The following PRKCA variants were observed in gnomAD, a reference collection of about 807,000 sequenced individuals.
PRKCA encodes the protein protein kinase C alpha.
In PRKCA, 27 loss-of-function variants were observed where a neutral mutation model predicts 87.0. The ratio of observed to expected loss-of-function variants is 0.31; its 90% CI spans 0.23 to 0.43. The LOEUF (loss-of-function observed/expected upper bound fraction) is 0.43. Among genes scored for constraint, PRKCA ranks in the 20% least tolerant of loss-of-function variants. The pLI is 1.00. For missense variants in PRKCA, 518 were observed against 852.3 expected, an observed-to-expected ratio of 0.61 and a Z score of 4.88; for synonymous variants, 329 against 311.1, an observed-to-expected ratio of 1.06 and a Z score of -0.61.
In PRKCA at chr17:66,610,940, A is replaced by G. The variant is rs141978905; in HGVS notation, c.289-30415A>G. Among the ~76,000 whole-genome samples the G allele has an allele frequency of 5.6e-4, 85 of 152,314 alleles. 1 individual carries two copies. The highest frequency in any genetic ancestry group is 9.6e-4 in the Non-Finnish European group (65 of 68,024). Reference sequence around the variant, plus strand: ...TTTAAATACTAGAAACGAGAGTACAAGGAAGTTGGGCTTCAGAACAAAGAA... The same window carrying G: ...TTTAAATACTAGAAACGAGAGTACAGGGAAGTTGGGCTTCAGAACAAAGAA... On this transcript the variant is annotated intron_variant, in intron 3 of 16. Transcript: ENST00000413366.
chr17:66,438,310 G>A (rs73333354), intron 2 of PRKCA, among the ~76,000 whole-genome samples: 3,461 of 151,982 alleles, frequency 0.023, 135 homozygotes, highest in African/African-American at 0.078. Flanking sequence ...GGCGAATTCC[G>A]GCATTTCAGT....
At chr17:66,361,562 C>T (rs1052633017) in intron 2 of PRKCA, among the ~76,000 whole-genome samples, 4 of 152,094 alleles carry the variant, frequency 2.6e-5, no homozygotes, top group South Asian at 2.1e-4. Flanking sequence ...CCATCCGCCT[C>T]GGCCTCCCAA....
At position 66,732,687 on chromosome 17, in the gene PRKCA, G is replaced by C; in HGVS notation, c.919-1G>C. The C allele has an allele frequency of 6.2e-7, 1 of 1,613,894 alleles. No individual in the cohort carries two copies. Among genetic ancestry groups the C allele is most frequent in the Non-Finnish European group, 8.5e-7 (1 of 1,179,962 alleles). On this transcript the variant is annotated splice_acceptor_variant, in intron 8 of 16. Coordinates refer to ENST00000413366, the MANE Select transcript of PRKCA (RefSeq NM_002737.3). LOFTEE classifies it high-confidence loss of function. ...GTTTCCCATTTGTGCTTGTTATTTA[G>C]AAAGCCAAACTTGGCCCTGCTGGCA...
intron 3 of PRKCA, among the ~76,000 whole-genome samples, chr17:66,626,904 CAAAA>C (rs772071027): frequency 6.6e-6 from 1 of 152,134 alleles, no homozygotes; most frequent in Non-Finnish European, 1.5e-5. Flanking sequence ...TCTCTAGTCT[CAAAA>C]AGAGCATTCT....
At chr17:66,696,077 G>A (rs1053301098) in intron 8 of PRKCA, among the ~76,000 whole-genome samples, 4 of 152,248 alleles carry the variant, frequency 2.6e-5, no homozygotes, top group African/African-American at 9.6e-5. Flanking sequence ...TGTTGATGGA[G>A]CAGTGATGAA....
chr17:66,380,631 C>T (rs1909726364), intron 2 of PRKCA, among the ~76,000 whole-genome samples: 1 of 151,998 alleles, frequency 6.6e-6, no homozygotes, highest in South Asian at 2.1e-4. Flanking sequence ...ATGATTTTTG[C>T]CTGCAGTAAA....
chr17:66,797,186 C>T (rs1353955320), intron 16 of PRKCA, among the ~76,000 whole-genome samples: 3 of 152,196 alleles, frequency 2.0e-5, no homozygotes, highest in African/African-American at 7.2e-5. Flanking sequence ...TGCATTGCAT[C>T]TCAGTCTCCC....
intron 2 of PRKCA, among the ~76,000 whole-genome samples, chr17:66,480,949 G>A (rs1463946983): frequency 9.9e-5 from 15 of 152,048 alleles, no homozygotes; most frequent in Admixed American, 2.0e-4. Flanking sequence ...GACCTACTCC[G>A]TCTCCATAGT....
At chr17:66,533,430 C>T (rs1967639149) in intron 3 of PRKCA, among the ~76,000 whole-genome samples, 1 of 152,216 alleles carries the variant, frequency 6.6e-6, no homozygotes, top group Non-Finnish European at 1.5e-5. Flanking sequence ...TCCTGACCCC[C>T]CTGGTTTGCC....
At position 66,403,198 on chromosome 17, in the gene PRKCA, T is replaced by C. The variant is rs535413295; in HGVS notation, c.206-93003T>C. Among the ~76,000 whole-genome samples, 6 of 152,360 alleles carry C rather than the reference T, an allele frequency of 3.9e-5. No individual in the cohort carries two copies. In the South Asian group the frequency reaches 1.0e-3, roughly 26 times the overall value. ...TGAGAAATCTTATGCTGGGGACATA[T>C]TGAAATTGTTGCAATGTGGTTTAAT... On this transcript the variant is annotated intron_variant, in intron 2 of 16. Transcript: ENST00000413366.
In PRKCA at chr17:66,803,758, C is replaced by G; in HGVS notation, c.1855-115C>G. ...TGCAAGTCCTCCGAGATTCCTCCTC[C>G]TAACCAGCCCGGAGTTCCCCAGGGC... On this transcript the variant is annotated intron_variant, in intron 16 of 16. Coordinates refer to ENST00000413366, the MANE Select transcript of PRKCA (RefSeq NM_002737.3). This position sits in a 1 kb window ranked among gnomAD's most constrained non-coding sequence, Gnocchi z 4.4. 7.0e-7 allele frequency: 1 copy of G among 1,431,006 alleles called. No homozygotes were observed. The highest frequency in any genetic ancestry group is 9.4e-7 in the Non-Finnish European group (1 of 1,068,382). The allele number at this position is 1,431,006 out of a possible 1,614,324, so 88.6% of individuals were successfully genotyped here. A position where few individuals can be genotyped will look rare whatever the true frequency, so the allele number is the denominator to read the frequency against.
intron 8 of PRKCA, among the ~76,000 whole-genome samples, chr17:66,695,676 A>C (rs1972900310): frequency 6.6e-6 from 1 of 152,168 alleles, no homozygotes; most frequent in Admixed American, 6.5e-5. Flanking sequence ...TTTGCTGCAC[A>C]CCATTGCTCT....
At chr17:66,711,294 TTACAC>T (rs1475621432) in intron 8 of PRKCA, among the ~76,000 whole-genome samples, 4 of 152,356 alleles carry the variant, frequency 2.6e-5, no homozygotes, top group African/African-American at 9.6e-5. Flanking sequence ...TATGGTGTAT[TTACAC>T]TACATGAGTG....
At chr17:66,434,358 G>T (rs1213664233) in intron 2 of PRKCA, among the ~76,000 whole-genome samples, 1 of 152,020 alleles carries the variant, frequency 6.6e-6, no homozygotes, top group Non-Finnish European at 1.5e-5. Context: ...AAGACATCAT[G>T]AGCCTCACAG....
chr17:66,536,685 C>G (rs1967797386), intron 3 of PRKCA, among the ~76,000 whole-genome samples: 1 of 152,162 alleles, frequency 6.6e-6, no homozygotes, highest in Non-Finnish European at 1.5e-5. Flanking sequence ...GTGGTTATCA[C>G]TTTTATTACC....
At chr17:66,320,933 T>C (rs1227074237) in intron 2 of PRKCA, among the ~76,000 whole-genome samples, 1 of 152,234 alleles carries the variant, frequency 6.6e-6, no homozygotes, top group Non-Finnish European at 1.5e-5. Context: ...TTTTGCATTC[T>C]GTAGTTTATG....
Position 66,663,139 on chromosome 17 carries a change from A to G in PRKCA, c.529+17628A>G, listed in dbSNP as rs565310601. On this transcript the variant is annotated intron_variant, in intron 5 of 16. Transcript: ENST00000413366. ...CAGGCAAGGAAGCCGAGCAAAGCCC[A>G]CTGGAAGACAGGGCTCCCTCGGGCA... Among the ~76,000 whole-genome samples the G allele has an allele frequency of 3.3e-4, 50 of 152,318 alleles. No homozygotes were observed. In the South Asian group the frequency reaches 9.5e-3, roughly 29 times the overall value.
At chr17:66,417,666 C>T (rs79206443) in intron 2 of PRKCA, among the ~76,000 whole-genome samples, 341 of 152,264 alleles carry the variant, frequency 2.2e-3, no homozygotes, top group African/African-American at 7.7e-3. Context: ...CACTGCAAAG[C>T]GACAGCTACC....
intron 2 of PRKCA, among the ~76,000 whole-genome samples, chr17:66,338,317 A>G (rs1278405414): frequency 3.3e-5 from 5 of 152,106 alleles, no homozygotes; most frequent in South Asian, 2.1e-4. Flanking sequence ...CTTCAGTCCA[A>G]TTTTCCGAAT....
Sources: allele counts gnomAD v4.1 joint callset (sites outside exome capture counted in the v4.1 genomes callset), GRCh38; gene constraint gnomAD v4.1.1; non-coding constraint Gnocchi (gnomAD v3.1); transcripts MANE v1.5; gene names NCBI Gene and HGNC (gene_info 2026-07-23, HGNC 2026-07-21).